The following DOCK7 variants were observed in gnomAD, a reference collection of about 807,000 sequenced individuals.
DOCK7 encodes the protein dedicator of cytokinesis 7.
A neutral mutation model predicts 271.0 loss-of-function variants in DOCK7; 138 were observed. The observed-to-expected ratio is 0.51, with a 90% CI of 0.44 to 0.59. The LOEUF (loss-of-function observed/expected upper bound fraction) is 0.59. Among genes scored for constraint, DOCK7 ranks in the 20% least tolerant of loss-of-function variants. The probability of loss-of-function intolerance (pLI) is 0.00; values close to 1 mark genes in which losing one functional copy is unlikely to be tolerated. For missense variants in DOCK7, 2,066 were observed against 2,592.4 expected (o/e 0.80, Z 4.41); for synonymous variants, 823 against 876.1 (o/e 0.94, Z 1.07).
At chr1:62,455,612 T>A (rs1645325390) in intron 49 of DOCK7, 156 bp from the exon 50 acceptor site, 1 of 663,844 alleles carries the variant, frequency 1.5e-6, no homozygotes, top group Non-Finnish European at 2.6e-6. Context: ...CTACTCTGCC[T>A]TATATTTTGG....
intron 12 of DOCK7, among the ~76,000 whole-genome samples, chr1:62,622,878 CGA>C (rs1319947328): frequency 6.6e-6 from 1 of 151,990 alleles, no homozygotes; most frequent in Non-Finnish European, 1.5e-5. Context: ...TACAGTGAGC[CGA>C]GACTGTGCCA....
chr1:62,636,809 T>G (rs1020434331), intron 7 of DOCK7, among the ~76,000 whole-genome samples: 1 of 152,182 alleles, frequency 6.6e-6, no homozygotes, highest in African/African-American at 2.4e-5. Context: ...TAGTTAATCC[T>G]AATTAATTTA....
Position 62,578,877 on chromosome 1 carries a change from C to T in DOCK7, c.1961G>A (p.Ser654Asn), listed in dbSNP as rs1647023110. 1.2e-6 allele frequency: 2 copies of T among 1,607,072 alleles called. No homozygotes were observed. The highest frequency in any genetic ancestry group is 1.4e-5 in the African/African-American group (1 of 74,066). Residue 654 changes from serine to asparagine, a missense_variant, in exon 17 of 50, where the codon AGT (serine) becomes AAT (asparagine). By Grantham distance (46) the Ser-to-Asn change is conservative. Transcript: ENST00000635253. ...AGGAGTATTTTGTTTTTGTTGACAACTAACATGATAAAAAGTAAAAAGCAA... is the reference window on the plus strand; with the variant it reads ...AGGAGTATTTTGTTTTTGTTGACAATTAACATGATAAAAAGTAAAAAGCAA... ...HHLLFTFYHV[S>N]CQQKQNTPLE... is the part of the protein sequence containing the mutation.
At chr1:62,649,329 C>T (rs913004731) in intron 4 of DOCK7, among the ~76,000 whole-genome samples, 19 of 152,280 alleles carry the variant, frequency 1.2e-4, no homozygotes, top group Middle Eastern at 6.8e-3. Context: ...TAAAGAATCA[C>T]ATTTGATATG....
rs1286981658 is a variant in DOCK7 at position 62,598,122 on chromosome 1, T to A, written c.1683-11498A>T. On this transcript the variant is annotated intron_variant, in intron 14 of 49. Transcript: ENST00000635253. ...TTCAATGTGGATCTTTTAAAAAAAATATTTCTAAGGCATGCCATTTGAAAT... is the reference window on the plus strand; with the variant it reads ...TTCAATGTGGATCTTTTAAAAAAAAAATTTCTAAGGCATGCCATTTGAAAT... 6.2e-6 allele frequency: 9 copies of A among 1,443,114 alleles called. No individual in the cohort carries two copies. The African/African-American group carries it at 7.3e-5, about 12-fold the overall frequency. The allele number at this position is 1,443,114 out of a possible 1,614,324, so 89.4% of individuals were successfully genotyped here. A position where few individuals can be genotyped will look rare whatever the true frequency, so the allele number is the denominator to read the frequency against.
intron 18 of DOCK7, among the ~76,000 whole-genome samples, chr1:62,573,261 A>G (rs923578885): frequency 6.6e-6 from 1 of 152,238 alleles, no homozygotes; most frequent in Non-Finnish European, 1.5e-5. Context: ...GCTTGGAAGA[A>G]GCTGTCAGTG....
intron 11 of DOCK7, among the ~76,000 whole-genome samples, chr1:62,626,553 G>A (rs1021774004): frequency 6.7e-6 from 1 of 149,914 alleles, no homozygotes; most frequent in African/African-American, 2.4e-5. Flanking sequence ...ATCATTTACA[G>A]ACTTTACAGA....
intron 16 of DOCK7, among the ~76,000 whole-genome samples, chr1:62,581,023 C>T (rs1409251330): frequency 6.6e-6 from 1 of 152,118 alleles, no homozygotes; most frequent in Non-Finnish European, 1.5e-5. Flanking sequence ...TGAATGGCTG[C>T]AAGAGAGACC....
chr1:62,546,183 GTAAC>G (rs1227427851), intron 22 of DOCK7, among the ~76,000 whole-genome samples: 2 of 152,124 alleles, frequency 1.3e-5, no homozygotes, highest in Admixed American at 6.6e-5. Flanking sequence ...AACAACAACA[GTAAC>G]TAACAAATGT....
intron 37 of DOCK7, among the ~76,000 whole-genome samples, chr1:62,499,461 C>T (rs1408604870): frequency 6.6e-6 from 1 of 152,038 alleles, no homozygotes; most frequent in East Asian, 1.9e-4. Flanking sequence ...GGGAGGTTGC[C>T]AACACAAGCT....
chr1:62,636,543 C>A lies in DOCK7; in HGVS notation c.879G>T (p.Lys293Asn). ...TCAAATTATATAATCTTACCTTTTT[C>A]TTTTCCTTGACATCATATAAAGCCA... ...ASLALYDVKEKKKISENFYFD... is the reference protein window; with the variant it reads ...ASLALYDVKENKKISENFYFD... The change falls in exon 8 of 50, where the codon AAG (lysine) becomes AAT (asparagine). Residue 293 changes from lysine (K) to asparagine (N), a missense_variant. By Grantham distance (94) the Lys-to-Asn change is moderately conservative (BLOSUM62 0). Around this residue, in one of 2 missense-constraint regions of DOCK7, gnomAD observed 1,414 missense variants for 1,670.4 expected, o/e 0.85. Coordinates refer to ENST00000635253, the MANE Select transcript of DOCK7 (RefSeq NM_001367561.1). The A allele has an allele frequency of 6.3e-7, 1 of 1,596,400 alleles. No homozygotes were observed. The highest frequency in any genetic ancestry group is 1.1e-5 in the South Asian group (1 of 87,902).
chr1:62,475,490 C>A, intron 46 of DOCK7, 139 bp from the exon 47 acceptor site: 6 of 1,156,136 alleles, frequency 5.2e-6, no homozygotes, highest in South Asian at 3.4e-5. Context: ...AACTTGGATT[C>A]CTAAATGAAA....
intron 18 of DOCK7, among the ~76,000 whole-genome samples, chr1:62,568,088 C>T (rs1434988072): frequency 6.6e-6 from 1 of 151,890 alleles, no homozygotes; most frequent in Non-Finnish European, 1.5e-5. Flanking sequence ...AATTAGAACT[C>T]AAAGAAACTC....
chr1:62,485,398 C>G (rs949424061), intron 43 of DOCK7: 33 of 985,136 alleles, frequency 3.3e-5, no homozygotes, highest in Non-Finnish European at 4.0e-5. Context: ...ATAATTTGCA[C>G]TAAATCAAGG....
chr1:62,487,514 G>A, intron 42 of DOCK7, 102 bp from the exon 43 acceptor site: 1 of 935,228 alleles, frequency 1.1e-6, no homozygotes, highest in Non-Finnish European at 1.7e-6. Flanking sequence ...TCCACAAACA[G>A]AAGACAGCAG....
chr1:62,680,137 G>A (rs1168119), intron 1 of DOCK7, among the ~76,000 whole-genome samples: 151,521 of 152,252 alleles, frequency 1, 75,402 homozygotes, highest in Middle Eastern at 1. Flanking sequence ...ACTTCAAACT[G>A]TACTACAAGG....
intron 14 of DOCK7, among the ~76,000 whole-genome samples, chr1:62,591,333 C>T (rs533549477): frequency 6.6e-6 from 1 of 152,104 alleles, no homozygotes; most frequent in African/African-American, 2.4e-5. Context: ...AAAAAACAGA[C>T]ACAGGGGTCT....
intron 44 of DOCK7, among the ~76,000 whole-genome samples, chr1:62,476,558 G>A (rs944599827): frequency 6.6e-6 from 1 of 152,078 alleles, no homozygotes; most frequent in African/African-American, 2.4e-5. Context: ...TAGAGACCAT[G>A]GGTTAATGAA....
In DOCK7 at chr1:62,520,793, C is replaced by T. The variant is rs139441846; in HGVS notation, c.3937-6895G>A. On this transcript the variant is annotated intron_variant, in intron 31 of 49. Coordinates refer to ENST00000635253, the MANE Select transcript of DOCK7 (RefSeq NM_001367561.1). Reference sequence around the variant, plus strand: ...ATTATAAATCATTCTACTATAAAGACACATGCACCTGTATGTTTACTGTGG... The same window carrying T: ...ATTATAAATCATTCTACTATAAAGATACATGCACCTGTATGTTTACTGTGG... 3.8e-3 allele frequency among the ~76,000 whole-genome samples: 581 copies of T among 152,284 alleles called. 6 individuals carry two copies. The highest frequency in any genetic ancestry group is 0.013 in the African/African-American group (528 of 41,548).
Sources: gnomAD v4.1 joint callset for allele counts (sites outside exome capture counted in the v4.1 genomes callset) on GRCh38, gnomAD v4.1.1 for gene constraint, gnomAD v4.1.1 regional missense constraint, MANE v1.5 for transcripts, NCBI Gene and HGNC (gene_info 2026-07-23, HGNC 2026-07-21) for gene names.